DPH6: variants seen among roughly 807,000 people sequenced by gnomAD.
The protein encoded by DPH6 is diphthamine biosynthesis 6.
In DPH6, 33 loss-of-function variants were observed where a neutral mutation model predicts 38.2. That is an observed-to-expected ratio of 0.86 (90% CI 0.65 to 1.15). DPH6 has a LOEUF of 1.15. Among genes scored for constraint, DPH6 ranks in the 50% most tolerant of loss-of-function variants. The pLI is 0.00. For synonymous variants in DPH6, 108 were observed against 103.0 expected, an observed-to-expected ratio of 1.05 and a Z score of -0.30; for missense variants, 325 against 320.0, an observed-to-expected ratio of 1.02 and a Z score of -0.12.
intron 3 of DPH6, chr15:35,538,006 C>T (rs2055196744): frequency 4.3e-6 from 1 of 234,332 alleles, no homozygotes; most frequent in Non-Finnish European, 8.2e-6. Context: ...TCTAATCTTT[C>T]TTTTCCTTAG....
intron 3 of DPH6, among the ~76,000 whole-genome samples, chr15:35,354,031 T>C (rs1403039590): frequency 6.6e-6 from 1 of 152,210 alleles, no homozygotes. Context: ...TATTTTATTC[T>C]GTTTGAAGCA....
At chr15:35,426,551 G>A (rs898514340) in intron 5 of DPH6, among the ~76,000 whole-genome samples, 1 of 151,694 alleles carries the variant, frequency 6.6e-6, no homozygotes, top group Non-Finnish European at 1.5e-5. Flanking sequence ...AGAGGAATAA[G>A]ATTAATGTAA....
rs2052710544 is a variant in DPH6 at position 35,371,274 on chromosome 15, T to A, written c.*876A>T. ...ATTATTCTGTATAATACTATAACGG[T>A]TGACAAATGTCATTACACATTTGTC... is the stretch of plus-strand genomic sequence containing the variant. On this transcript the variant is annotated 3_prime_UTR_variant, in exon 9 of 9. Transcript: ENST00000256538. 6.6e-6 allele frequency: 1 copy of A among 151,816 alleles called. No individual in the cohort carries two copies. The highest frequency in any genetic ancestry group is 2.4e-5 in the African/African-American group (1 of 41,360). 9.4% of individuals were successfully genotyped at this position (151,816 alleles called of 1,614,324 possible). A position where few individuals can be genotyped will look rare whatever the true frequency, so the allele number is the denominator to read the frequency against.
chr15:35,444,152 T>A (rs537099111), intron 5 of DPH6, among the ~76,000 whole-genome samples: 3 of 152,308 alleles, frequency 2.0e-5, no homozygotes, highest in Non-Finnish European at 2.9e-5. Flanking sequence ...ACATTCATAG[T>A]CACAGTGACT....
chr15:35,373,545 A>C lies in DPH6; in HGVS notation c.726T>G (p.Phe242Leu), dbSNP rs777452839. 6.2e-7 allele frequency: 1 copy of C among 1,607,994 alleles called. No individual in the cohort carries two copies. The highest frequency in any genetic ancestry group is 8.5e-7 in the Non-Finnish European group (1 of 1,177,176). ...DAFAPVAYLR[F>L]LELHLEDKVS... ...CCTTGTCCTCCAAGTGCAATTCTAAAAAGCGTAGATAAGCCACAGGTGCAA... is the reference window on the plus strand; with the variant it reads ...CCTTGTCCTCCAAGTGCAATTCTAACAAGCGTAGATAAGCCACAGGTGCAA... The change falls in exon 8 of 9, where the codon TTT becomes TTG. Residue 242 changes from phenylalanine (F) to leucine (L), a missense_variant. Transcript: ENST00000256538.
At chr15:35,367,499 C>T (rs1254244900), downstream of DPH6, among the ~76,000 whole-genome samples, 1 of 151,710 alleles carries the variant, frequency 6.6e-6, no homozygotes. Context: ...TTCATTTTCT[C>T]AAGCCTGTCA....
At chr15:35,343,553 T>G (rs1379799056) in intron 3 of DPH6, among the ~76,000 whole-genome samples, 2 of 152,068 alleles carry the variant, frequency 1.3e-5, no homozygotes, top group African/African-American at 2.4e-5. Context: ...TTGTCTTATT[T>G]CCTATTATAT....
chr15:35,394,548 G>A (rs1454145257), intron 6 of DPH6, among the ~76,000 whole-genome samples: 7 of 152,232 alleles, frequency 4.6e-5, no homozygotes, highest in Admixed American at 1.3e-4. Context: ...AGTGGGTACA[G>A]TGCATGTTGT....
the DPH6 span, among the ~76,000 whole-genome samples, chr15:35,166,301 C>G: frequency 6.6e-6 from 1 of 151,916 alleles, no homozygotes; most frequent in African/African-American, 2.4e-5. Context: ...TTATTTTACA[C>G]TCTTTGTCCT....
At chr15:35,365,883 C>A (rs1266359225), downstream of DPH6, 1 of 985,132 alleles carries the variant, frequency 1.0e-6, no homozygotes, top group African/African-American at 1.7e-5. Flanking sequence ...CATTCAAGCC[C>A]CAAGTTGTCT....
the DPH6 span, among the ~76,000 whole-genome samples, chr15:35,192,836 C>T: frequency 6.6e-6 from 1 of 152,184 alleles, no homozygotes; most frequent in South Asian, 2.1e-4. Flanking sequence ...TGAGCCCTCA[C>T]TATTTGCCAG....
At chr15:35,446,299 C>G (rs2053852646) in intron 5 of DPH6, among the ~76,000 whole-genome samples, 1 of 142,886 alleles carries the variant, frequency 7.0e-6, no homozygotes, top group African/African-American at 2.7e-5. Context: ...GGTGCAAAGA[C>G]AGCTCACTGA....
chr15:35,431,347 T>C (rs529973546), intron 5 of DPH6, among the ~76,000 whole-genome samples: 23 of 152,216 alleles, frequency 1.5e-4, no homozygotes, highest in Non-Finnish European at 2.4e-4. Flanking sequence ...AGTAAAACAA[T>C]GGTTTTACTG....
the DPH6 span, among the ~76,000 whole-genome samples, chr15:35,206,891 C>T: frequency 1.2e-4 from 18 of 152,066 alleles, no homozygotes; most frequent in Non-Finnish European, 2.2e-4. Context: ...ACCCATAAGC[C>T]TCCTTTCCCC....
chr15:35,362,323 C>T (rs150075480), intron 3 of DPH6, among the ~76,000 whole-genome samples: 2 of 152,236 alleles, frequency 1.3e-5, no homozygotes, highest in East Asian at 3.9e-4. Flanking sequence ...TTCTCTGTGG[C>T]CCTCAGGAAT....
chr15:35,316,730 G>A (rs185086795), intron 3 of DPH6, among the ~76,000 whole-genome samples: 15 of 152,100 alleles, frequency 9.9e-5, no homozygotes, highest in South Asian at 4.1e-4. Context: ...AAAGACATGC[G>A]GGCAAAGAAA....
At chr15:35,534,377 CAAAAA>C (rs55974798) in intron 3 of DPH6, among the ~76,000 whole-genome samples, 1 of 104,220 alleles carries the variant, frequency 9.6e-6, no homozygotes, top group Non-Finnish European at 2.0e-5. Flanking sequence ...AACTCTGTCT[CAAAAA>C]AAAAAAAAAA....
At chr15:35,235,990 A>T (rs1437186991) in intron 3 of DPH6, among the ~76,000 whole-genome samples, 1 of 152,238 alleles carries the variant, frequency 6.6e-6, no homozygotes, top group East Asian at 1.9e-4. Context: ...CCACATGTTT[A>T]GTTTAATGTG....
At chr15:35,168,149 T>C in the DPH6 span, among the ~76,000 whole-genome samples, 1 of 152,032 alleles carries the variant, frequency 6.6e-6, no homozygotes, top group Admixed American at 6.6e-5. Context: ...CTGCCATAGG[T>C]AGGGGAAATG....
Sources: gnomAD v4.1 joint callset for allele counts (sites outside exome capture counted in the v4.1 genomes callset) on GRCh38, gnomAD v4.1.1 for gene constraint, MANE v1.5 for transcripts, NCBI Gene and HGNC (gene_info 2026-07-23, HGNC 2026-07-21) for gene names.